CSMD1: variants seen among roughly 807,000 people sequenced by gnomAD.
CSMD1 encodes the protein CUB and Sushi multiple domains 1.
CSMD1 carries 213 observed loss-of-function variants against 417.5 expected under a neutral mutation model. The ratio of observed to expected loss-of-function variants is 0.51; its 90% CI spans 0.46 to 0.57. CSMD1 has a LOEUF of 0.57. CSMD1 is among the 20% of genes least tolerant of loss of function. The pLI, the probability that CSMD1 is intolerant of heterozygous loss-of-function variation, is 0.00. For synonymous variants in CSMD1, 2,862 were observed against 1,736.8 expected (o/e 1.65, Z -16.11); for missense variants, 6,923 against 4,529.7 (o/e 1.53, Z -15.17).
At chr8:4,377,000 G>T (rs557239549) in intron 3 of CSMD1, among the ~76,000 whole-genome samples, 1 of 152,148 alleles carries the variant, frequency 6.6e-6, no homozygotes, top group Admixed American at 6.5e-5. Context: ...GCTGTGCCCC[G>T]GGACACAGGT....
chr8:3,566,202 A>G (rs1313642962), intron 10 of CSMD1, among the ~76,000 whole-genome samples: 2 of 152,072 alleles, frequency 1.3e-5, no homozygotes, highest in Non-Finnish European at 2.9e-5. Flanking sequence ...AGACAAGGAA[A>G]AGGAGGAGGA....
intron 1 of CSMD1, among the ~76,000 whole-genome samples, chr8:4,955,274 A>T (rs1809016226): frequency 6.6e-6 from 1 of 152,166 alleles, no homozygotes; most frequent in Non-Finnish European, 1.5e-5. Context: ...AAAAACCAAT[A>T]AAGTTGCATA....
intron 1 of CSMD1, among the ~76,000 whole-genome samples, chr8:4,865,695 A>G (rs181170288): frequency 4.3e-4 from 66 of 151,996 alleles, no homozygotes; most frequent in African/African-American, 1.3e-3. Flanking sequence ...ACTTCCATCA[A>G]TCAGATTTGT....
chr8:4,280,702 T>C (rs993368247), intron 3 of CSMD1, among the ~76,000 whole-genome samples: 10 of 152,358 alleles, frequency 6.6e-5, no homozygotes, highest in South Asian at 2.1e-4. Context: ...CACAGCTCTA[T>C]AGCAATACCG....
intron 5 of CSMD1, among the ~76,000 whole-genome samples, chr8:3,838,435 T>A (rs552515371): frequency 2.0e-5 from 3 of 149,300 alleles, no homozygotes; most frequent in African/African-American, 7.4e-5. Flanking sequence ...AGAGGGAGTG[T>A]AAGAGTATAG....
intron 23 of CSMD1, among the ~76,000 whole-genome samples, chr8:3,342,382 C>A (rs156074): frequency 2.0e-5 from 3 of 151,924 alleles, no homozygotes; most frequent in Non-Finnish European, 4.4e-5. Context: ...CTCAAAAACC[C>A]AAACTTTTAA....
intron 1 of CSMD1, chr8:4,787,971 G>A: frequency 6.3e-7 from 1 of 1,595,612 alleles, no homozygotes; most frequent in Non-Finnish European, 8.6e-7. Context: ...GCCATCAGGA[G>A]ATCGAAGCCA....
intron 1 of CSMD1, among the ~76,000 whole-genome samples, chr8:4,689,198 G>C (rs1366087898): frequency 1.3e-5 from 2 of 152,266 alleles, no homozygotes; most frequent in African/African-American, 4.8e-5. Flanking sequence ...TTATTCTTTT[G>C]TGTTCAGATC....
intron 6 of CSMD1, among the ~76,000 whole-genome samples, chr8:3,708,708 G>C (rs555508994): frequency 8.5e-5 from 13 of 152,284 alleles, no homozygotes; most frequent in Non-Finnish European, 1.5e-4. Context: ...TACAGCATCA[G>C]TGTCGGAAGC....
intron 3 of CSMD1, among the ~76,000 whole-genome samples, chr8:4,129,309 C>T (rs1054118052): frequency 6.6e-6 from 1 of 152,082 alleles, no homozygotes; most frequent in Admixed American, 6.5e-5. Flanking sequence ...TCTTCTCCCT[C>T]TTTTCATGTG....
intron 3 of CSMD1, among the ~76,000 whole-genome samples, chr8:4,307,166 A>G (rs1013276660): frequency 1.3e-5 from 2 of 152,166 alleles, no homozygotes; most frequent in Admixed American, 6.5e-5. Flanking sequence ...CATCTTCAGC[A>G]CAGGCTCCAT....
intron 7 of CSMD1, among the ~76,000 whole-genome samples, chr8:3,653,826 G>C (rs1456525259): frequency 2.0e-5 from 3 of 152,094 alleles, no homozygotes; most frequent in South Asian, 4.1e-4. Context: ...ATATTTGATA[G>C]ATTTAAATAT....
chr8:3,620,184 T>C (rs934374881), intron 7 of CSMD1, among the ~76,000 whole-genome samples: 1 of 152,020 alleles, frequency 6.6e-6, no homozygotes, highest in Admixed American at 6.6e-5. Flanking sequence ...AAATTCTACA[T>C]CTAGGAAAAC....
At chr8:3,242,208 G>C (rs1327818054) in intron 26 of CSMD1, among the ~76,000 whole-genome samples, 1 of 151,966 alleles carries the variant, frequency 6.6e-6, no homozygotes, top group East Asian at 1.9e-4. Context: ...AGCTGGACCA[G>C]GTGTGAGGAG....
chr8:4,336,975 G>C (rs114626601), intron 3 of CSMD1, among the ~76,000 whole-genome samples: 5 of 152,082 alleles, frequency 3.3e-5, no homozygotes, highest in African/African-American at 4.8e-5. Context: ...CTCAGGATTT[G>C]CCGTGTTTTC....
intron 1 of CSMD1, among the ~76,000 whole-genome samples, chr8:4,823,703 T>G (rs1259816991): frequency 6.6e-6 from 1 of 152,010 alleles, no homozygotes; most frequent in South Asian, 2.1e-4. Flanking sequence ...TGAGAATTAA[T>G]ATAATGCAAT....
At chr8:4,211,372 G>T (rs1287021077) in intron 3 of CSMD1, among the ~76,000 whole-genome samples, 1 of 152,014 alleles carries the variant, frequency 6.6e-6, no homozygotes, top group Non-Finnish European at 1.5e-5. Flanking sequence ...TTTCTTTGAA[G>T]TAATGCAATT....
At chr8:4,096,324 C>T (rs1050679728) in intron 3 of CSMD1, among the ~76,000 whole-genome samples, 1 of 152,108 alleles carries the variant, frequency 6.6e-6, no homozygotes, top group African/African-American at 2.4e-5. Context: ...GCAGAGGAAA[C>T]AACCCAGAAA....
chr8:3,594,364 G>A (rs985702776), intron 8 of CSMD1, among the ~76,000 whole-genome samples: 14 of 152,112 alleles, frequency 9.2e-5, no homozygotes, highest in African/African-American at 3.4e-4. Flanking sequence ...AAGAACTTAT[G>A]CTGGAAACTG....
Sources: gnomAD v4.1 joint callset for allele counts (sites outside exome capture counted in the v4.1 genomes callset) on GRCh38, gnomAD v4.1.1 for gene constraint, MANE v1.5 for transcripts, NCBI Gene and HGNC (gene_info 2026-07-23, HGNC 2026-07-21) for gene names.